SDCCAG8: variants seen among roughly 807,000 people sequenced by gnomAD.
The protein encoded by SDCCAG8 is SHH signaling and ciliogenesis regulator SDCCAG8, also known as serologically defined colon cancer antigen 8.
In SDCCAG8, 74 loss-of-function variants were observed where a neutral mutation model predicts 101.8. The observed-to-expected ratio is 0.73, with a 90% CI of 0.60 to 0.88. The LOEUF (loss-of-function observed/expected upper bound fraction) is 0.88, where lower values mean the gene tolerates loss of function less well. SDCCAG8 is among the 40% of genes least tolerant of loss of function. The pLI is 0.00. For synonymous variants in SDCCAG8, 281 were observed against 292.9 expected (o/e 0.96, Z 0.41); for missense variants, 787 against 822.6 (o/e 0.96, Z 0.53).
intron 16 of SDCCAG8, among the ~76,000 whole-genome samples, chr1:243,456,730 T>C (rs2083786936): frequency 6.6e-6 from 1 of 152,164 alleles, no homozygotes; most frequent in African/African-American, 2.4e-5. Flanking sequence ...TTATTGTATT[T>C]AGGGGGCAAT....
chr1:243,268,338 TTTCTA>T (rs2067801309), intron 1 of SDCCAG8, among the ~76,000 whole-genome samples: 1 of 152,230 alleles, frequency 6.6e-6, no homozygotes, highest in South Asian at 2.1e-4. Flanking sequence ...CCAAATCGCT[TTTCTA>T]TTCTATTTTC....
rs573336252 is a variant in SDCCAG8, at chr1:243,270,228, C to T, written c.191C>T (p.Ala64Val). ...GTGGGAAATGAGGACGCCAGGACAG[C>T]CTGGCCCGAATTACAACAGAGCCAT... ...TSVGNEDART[A>V]WPELQQSHAV... is the part of the protein sequence containing the mutation. Residue 64 changes from alanine (A) to valine (V), a missense_variant, in exon 2 of 18, where the codon GCC (alanine) becomes GTC (valine). Ala to Val is a moderately conservative substitution (Grantham distance 64, BLOSUM62 0). Coordinates refer to ENST00000366541, the MANE Select transcript of SDCCAG8 (RefSeq NM_006642.5). The T allele has an allele frequency of 6.8e-6, 11 of 1,614,040 alleles. No homozygotes were observed. The highest frequency in any genetic ancestry group is 8.5e-6 in the Non-Finnish European group (10 of 1,180,022).
chr1:243,395,398 C>T (rs2078977006), intron 13 of SDCCAG8, among the ~76,000 whole-genome samples: 1 of 152,076 alleles, frequency 6.6e-6, no homozygotes, highest in African/African-American at 2.4e-5. Context: ...GAAAAATATC[C>T]AGAAAAGCAG....
intron 9 of SDCCAG8, among the ~76,000 whole-genome samples, chr1:243,320,499 G>A (rs939978992): frequency 5.3e-5 from 8 of 151,850 alleles, no homozygotes; most frequent in East Asian, 3.9e-4. Flanking sequence ...TCCTCCTCTC[G>A]CGCCCTGTCT....
At chr1:243,423,404 C>T (rs576722959) in intron 15 of SDCCAG8, among the ~76,000 whole-genome samples, 105 of 152,128 alleles carry the variant, frequency 6.9e-4, no homozygotes, top group African/African-American at 2.5e-3. Context: ...TGAGATTATA[C>T]CGTATATACA....
chr1:243,299,459 GC>G (rs1558256556), intron 6 of SDCCAG8, among the ~76,000 whole-genome samples: 1 of 152,090 alleles, frequency 6.6e-6, no homozygotes, highest in African/African-American at 2.4e-5. Flanking sequence ...TGTTGCCCAG[GC>G]TGGAGTGCAA....
In SDCCAG8 at chr1:243,499,950, C is replaced by T. The variant is rs1022697911; in HGVS notation, c.*165C>T. ...CGCGGGCGCTGTCCCCGCACGCAGT[C>T]GGGCTGGAGCTGGAGTCTGACTCTA... On this transcript the variant is annotated 3_prime_UTR_variant, in exon 18 of 18. Transcript: ENST00000366541. The T allele has an allele frequency of 1.0e-5, 7 of 682,708 alleles. No individual in the cohort carries two copies. The highest frequency in any genetic ancestry group is 8.8e-5 in the African/African-American group (5 of 56,684). The allele number at this position is 682,708 out of a possible 1,614,324, so 42.3% of individuals were successfully genotyped here.
intron 12 of SDCCAG8, among the ~76,000 whole-genome samples, chr1:243,359,900 G>T (rs956834320): frequency 6.6e-6 from 1 of 152,072 alleles, no homozygotes; most frequent in Non-Finnish European, 1.5e-5. Flanking sequence ...CTTTTATAAT[G>T]ATACTCATAT....
chr1:243,307,055 T>G (rs2072209618), intron 7 of SDCCAG8, among the ~76,000 whole-genome samples: 1 of 150,008 alleles, frequency 6.7e-6, no homozygotes, highest in Non-Finnish European at 1.5e-5. Context: ...TAGAAAGTTT[T>G]TTTTTGTTTT....
At chr1:243,318,450 C>G (rs1174050308) in intron 9 of SDCCAG8, 1 of 457,858 alleles carries the variant, frequency 2.2e-6, no homozygotes, top group Non-Finnish European at 2.9e-6. Context: ...TAACAAAACC[C>G]CGTGACATGA....
At chr1:243,415,897 A>G in intron 14 of SDCCAG8, 68 bp downstream of exon 14, 2 of 1,581,616 alleles carry the variant, frequency 1.3e-6, no homozygotes, top group Non-Finnish European at 8.6e-7. Context: ...TTACTGTGAA[A>G]TGACATCAGG....
chr1:243,271,031 T>C lies in SDCCAG8; in HGVS notation c.274T>C (p.Ser92Pro). 2 of 1,613,424 alleles carry C rather than the reference T, an allele frequency of 1.2e-6. No homozygotes were observed. The highest frequency in any genetic ancestry group is 1.7e-6 in the Non-Finnish European group (2 of 1,179,520). ...ACAAGCAGATAAGGAAAGTGAAGTA[T>C]CTCCGTCAAGAAGAAGAAAAATGTC... is the stretch of plus-strand genomic sequence containing the variant. Reference protein sequence around the residue: ...RQQADKESEVSPSRRRKMSPL... With the variant: ...RQQADKESEVPPSRRRKMSPL... Residue 92 changes from serine (S) to proline (P), a missense_variant, in exon 3 of 18, where the codon TCT becomes CCT. Physicochemically the swap from Ser to Pro is moderately conservative, Grantham distance 74 (BLOSUM62 -1). Coordinates refer to ENST00000366541, the MANE Select transcript of SDCCAG8 (RefSeq NM_006642.5).
At chr1:243,392,380 T>C (rs946562935) in intron 13 of SDCCAG8, among the ~76,000 whole-genome samples, 2 of 152,210 alleles carry the variant, frequency 1.3e-5, no homozygotes, top group African/African-American at 2.4e-5. Flanking sequence ...CAAACTATCT[T>C]GCCATTCCTG....
chr1:243,274,543 A>G lies in SDCCAG8; in HGVS notation c.307A>G (p.Arg103Gly), dbSNP rs773575477. The change falls in exon 4 of 18, where the codon AGG becomes GGG. Residue 103 changes from arginine (R) to glycine (G), a missense_variant and splice_region_variant. Physicochemically the swap from Arg to Gly is moderately radical, Grantham distance 125. Coordinates refer to ENST00000366541, the MANE Select transcript of SDCCAG8 (RefSeq NM_006642.5). ...PSRRRKMSPLRSLEHEETNMP... is the reference protein window; with the variant it reads ...PSRRRKMSPLGSLEHEETNMP... ...TTTATTTATTTATTTTTTGTCATAG[A>G]GGTCATTAGAACATGAGGAAACCAA... The G allele has an allele frequency of 6.6e-7, 1 of 1,506,428 alleles. No homozygotes were observed. The allele number at this position is 1,506,428 out of a possible 1,614,324, so 93.3% of individuals were successfully genotyped here. A position where few individuals can be genotyped will look rare whatever the true frequency, so the allele number is the denominator to read the frequency against.
intron 16 of SDCCAG8, among the ~76,000 whole-genome samples, chr1:243,463,890 A>G (rs1293044161): frequency 1.3e-5 from 2 of 151,856 alleles, no homozygotes; most frequent in East Asian, 3.9e-4. Context: ...ATCTCTTGGA[A>G]ATACCCATCC....
chr1:243,335,340 A>G (rs1027663523), intron 10 of SDCCAG8, among the ~76,000 whole-genome samples: 2 of 152,140 alleles, frequency 1.3e-5, no homozygotes, highest in African/African-American at 2.4e-5. Flanking sequence ...TTGCGAATTG[A>G]GTGTTGTGTG....
intron 6 of SDCCAG8, among the ~76,000 whole-genome samples, chr1:243,293,708 A>G (rs1378638689): frequency 2.0e-5 from 3 of 152,118 alleles, no homozygotes; most frequent in South Asian, 2.1e-4. Flanking sequence ...GGTTGTTTCT[A>G]TCTTTTGACT....
At chr1:243,312,544 T>TA (rs2072832795) in intron 8 of SDCCAG8, among the ~76,000 whole-genome samples, 1 of 151,984 alleles carries the variant, frequency 6.6e-6, no homozygotes, top group African/African-American at 2.4e-5. Context: ...CCATCTCTAC[T>TA]AAAAATACAA....
chr1:243,467,947 G>A (rs974891825), intron 16 of SDCCAG8, among the ~76,000 whole-genome samples: 2 of 152,170 alleles, frequency 1.3e-5, no homozygotes, highest in African/African-American at 4.8e-5. Context: ...AATTTGGTAA[G>A]GACAAGGATT....
Sources: allele counts gnomAD v4.1 joint callset (sites outside exome capture counted in the v4.1 genomes callset), GRCh38; gene constraint gnomAD v4.1.1; transcripts MANE v1.5; gene names NCBI Gene and HGNC (gene_info 2026-07-23, HGNC 2026-07-21).